Variants in ZNF616 observed in about 807,000 individuals in gnomAD.
The protein encoded by ZNF616 is zinc finger protein 616.
ZNF616 carries 5 observed loss-of-function variants against 7.6 expected under a neutral mutation model. The observed-to-expected ratio is 0.66, with a 90% CI of 0.34 to 1.38. The LOEUF (loss-of-function observed/expected upper bound fraction) is 1.38. ZNF616 is among the 40% of genes most tolerant of loss of function. The pLI is 0.04. For missense variants in ZNF616, 913 were observed against 948.3 expected (o/e 0.96, Z 0.49); for synonymous variants, 319 against 317.2 (o/e 1.01, Z -0.06).
At chr19:52,129,772 G>A (rs1185929999) in intron 2 of ZNF616, among the ~76,000 whole-genome samples, 3 of 149,970 alleles carry the variant, frequency 2.0e-5, no homozygotes, top group South Asian at 2.2e-4. Context: ...CCCCTTACAC[G>A]CCTCCTTTTC....
intron 1 of ZNF616, among the ~76,000 whole-genome samples, chr19:52,132,221 C>A (rs918031915): frequency 2.6e-5 from 4 of 152,120 alleles, no homozygotes; most frequent in Admixed American, 6.5e-5. Context: ...AAGTATAGGG[C>A]CACCGTCATC....
chr19:52,120,908 A>C (rs1391456281), intron 3 of ZNF616, among the ~76,000 whole-genome samples: 2 of 152,210 alleles, frequency 1.3e-5, no homozygotes, highest in Non-Finnish European at 2.9e-5. Context: ...ACAGAAAAAA[A>C]GTAAGTAAAT....
intron 2 of ZNF616, among the ~76,000 whole-genome samples, 181 bp downstream of exon 2, chr19:52,130,320 T>C (rs1199076243): frequency 6.6e-6 from 1 of 152,108 alleles, no homozygotes; most frequent in Non-Finnish European, 1.5e-5. Flanking sequence ...CATGGTGAGA[T>C]GGAATCTAAA....
At chr19:52,127,884 C>T (rs1366348299) in intron 2 of ZNF616, among the ~76,000 whole-genome samples, 2 of 152,184 alleles carry the variant, frequency 1.3e-5, no homozygotes, top group African/African-American at 4.8e-5. Flanking sequence ...CACAACAGAA[C>T]ATGTACTGAA....
At chr19:52,117,351 A>C (rs1568558894) in intron 3 of ZNF616, among the ~76,000 whole-genome samples, 1 of 152,176 alleles carries the variant, frequency 6.6e-6, no homozygotes, top group Non-Finnish European at 1.5e-5. Flanking sequence ...GATTGGCAGA[A>C]AATGTGGCTC....
At chr19:52,120,643 A>G (rs1207827169) in intron 3 of ZNF616, among the ~76,000 whole-genome samples, 1 of 152,242 alleles carries the variant, frequency 6.6e-6, no homozygotes, top group East Asian at 1.9e-4. Flanking sequence ...ATAAATGGTA[A>G]TAGAAAGACA....
chr19:52,125,389 C>T (rs1343076625), intron 2 of ZNF616, among the ~76,000 whole-genome samples: 1 of 152,230 alleles, frequency 6.6e-6, no homozygotes. Flanking sequence ...AATATTTCAA[C>T]TCCAAAATGC....
intron 1 of ZNF616, among the ~76,000 whole-genome samples, chr19:52,137,837 A>T (rs1198326533): frequency 6.6e-6 from 1 of 152,248 alleles, no homozygotes; most frequent in African/African-American, 2.4e-5. Flanking sequence ...ATGACATCAA[A>T]TCTTATTTCA....
At chr19:52,118,571 AG>A (rs1426820316) in intron 3 of ZNF616, among the ~76,000 whole-genome samples, 1 of 152,234 alleles carries the variant, frequency 6.6e-6, no homozygotes, top group Non-Finnish European at 1.5e-5. Context: ...TGCCATGCCA[AG>A]AACCAAAATG....
intron 3 of ZNF616, 27 bp downstream of exon 3, chr19:52,123,896 G>C (rs752232837): frequency 3.1e-6 from 5 of 1,613,332 alleles, no homozygotes; most frequent in Non-Finnish European, 4.2e-6. Flanking sequence ...GGGCGAATCT[G>C]AACTTCTAGA....
Position 52,114,407 on chromosome 19 carries a change from TAAAGA to T in ZNF616, c.*406_*410del, listed in dbSNP as rs1454278187. The T allele has an allele frequency of 3.1e-5, 5 of 163,582 alleles. No homozygotes were observed. The highest frequency in any genetic ancestry group is 9.6e-5 in the African/African-American group (4 of 41,656). 10.1% of individuals were successfully genotyped at this position (163,582 alleles called of 1,614,324 possible). ...AAAAAACCTGAGGCTGGCTAATGTA[TAAAGA>T]AAAGAGTTTAATTGGCTCATATTTC... On this transcript the variant is annotated 3_prime_UTR_variant, in exon 4 of 4. Coordinates refer to ENST00000600228, the MANE Select transcript of ZNF616 (RefSeq NM_178523.5).
At chr19:52,137,907 A>C (rs1469561600) in intron 1 of ZNF616, among the ~76,000 whole-genome samples, 1 of 152,250 alleles carries the variant, frequency 6.6e-6, no homozygotes, top group Non-Finnish European at 1.5e-5. Flanking sequence ...CTTCCAAAAT[A>C]ACAATGAATT....
intron 1 of ZNF616, among the ~76,000 whole-genome samples, chr19:52,135,099 C>T (rs2088996214): frequency 1.3e-5 from 2 of 152,170 alleles, no homozygotes; most frequent in Non-Finnish European, 2.9e-5. Flanking sequence ...AAAACCCTCC[C>T]TAACGAAAGC....
At chr19:52,130,805 C>G (rs115678505) in intron 1 of ZNF616, among the ~76,000 whole-genome samples, 10,428 of 152,290 alleles carry the variant, frequency 0.068, 493 homozygotes, top group African/African-American at 0.14. Context: ...ACACAGGCTG[C>G]AGCAGTGTGT....
chr19:52,131,387 G>T (rs934238942), intron 1 of ZNF616, among the ~76,000 whole-genome samples: 7 of 151,810 alleles, frequency 4.6e-5, no homozygotes, highest in Non-Finnish European at 1.0e-4. Context: ...TGTTACAAAT[G>T]CCTTGGCACT....
chr19:52,130,775 C>T (rs924455680), intron 1 of ZNF616, among the ~76,000 whole-genome samples, 187 bp from the exon 2 acceptor site: 1 of 152,226 alleles, frequency 6.6e-6, no homozygotes. Flanking sequence ...AGCATTAGCT[C>T]CCCTCTGGGA....
At chr19:52,129,278 C>A (rs1055845249) in intron 2 of ZNF616, among the ~76,000 whole-genome samples, 1 of 151,924 alleles carries the variant, frequency 6.6e-6, no homozygotes, top group African/African-American at 2.4e-5. Context: ...AGACTCCGTA[C>A]AAAACAAAAA....
At chr19:52,123,816 A>C (rs1178592855) in intron 3 of ZNF616, 107 bp downstream of exon 3, 5 of 1,398,098 alleles carry the variant, frequency 3.6e-6, no homozygotes, top group Non-Finnish European at 5.0e-6. Flanking sequence ...TTTTGAACCA[A>C]TAAGGCTTCA....
At position 52,123,940 on chromosome 19, in the gene ZNF616, C is replaced by T; in HGVS notation, c.122G>A (p.Arg41Lys). The stretch of plus-strand genomic sequence containing the variant: ...ATACTCACCTAGGAAGACCAGGTTC[C>T]TATAGTTCTCCAACATCACATCCTT... ...LYKDVMLENY[R>K]NLVFLGISPK... Residue 41 changes from arginine to lysine, a missense_variant, in exon 3 of 4, where the codon AGG becomes AAG. Coordinates refer to ENST00000600228, the MANE Select transcript of ZNF616 (RefSeq NM_178523.5). 1 of 1,613,990 alleles carries T rather than the reference C, an allele frequency of 6.2e-7. No individual in the cohort carries two copies. Among genetic ancestry groups the T allele is most frequent in the Admixed American group, 1.7e-5 (1 of 60,004 alleles).
Sources: gnomAD v4.1 joint callset for allele counts (sites outside exome capture counted in the v4.1 genomes callset) on GRCh38, gnomAD v4.1.1 for gene constraint, MANE v1.5 for transcripts, NCBI Gene and HGNC (gene_info 2026-07-23, HGNC 2026-07-21) for gene names.